MBNL1: variants seen among roughly 807,000 people sequenced by gnomAD.
The protein encoded by MBNL1 is muscleblind-like protein 1.
A neutral mutation model predicts 42.2 loss-of-function variants in MBNL1; 8 were observed. That is an observed-to-expected ratio of 0.19 (90% confidence interval 0.11 to 0.34). The LOEUF is 0.34. MBNL1 is among the 10% of genes least tolerant of loss of function. The probability of loss-of-function intolerance (pLI) is 1.00; values close to 1 mark genes in which losing one functional copy is unlikely to be tolerated. For synonymous variants in MBNL1, 169 were observed against 173.9 expected (o/e 0.97, Z 0.22); for missense variants, 309 against 495.3 (o/e 0.62, Z 3.57).
chr3:152,255,699 T>C (rs1459335108), intron 2 of MBNL1, among the ~76,000 whole-genome samples: 2 of 152,110 alleles, frequency 1.3e-5, no homozygotes, highest in Non-Finnish European at 2.9e-5. Context: ...TAGATAGTGA[T>C]AGTGACCAGA....
intron 1 of MBNL1, among the ~76,000 whole-genome samples, chr3:152,292,686 AT>A (rs2056634452): frequency 6.6e-6 from 1 of 151,196 alleles, no homozygotes; most frequent in African/African-American, 2.4e-5. Context: ...CTCCTTCATG[AT>A]TTTCATTTAT....
At chr3:152,392,728 T>C (rs553642239) in intron 2 of MBNL1, among the ~76,000 whole-genome samples, 2 of 152,334 alleles carry the variant, frequency 1.3e-5, no homozygotes, top group South Asian at 4.1e-4. Flanking sequence ...AAGGAAGATA[T>C]ATTACAAAAG....
At chr3:152,378,478 CTCTATATTTA>C (rs1398512688) in intron 2 of MBNL1, among the ~76,000 whole-genome samples, 1 of 152,034 alleles carries the variant, frequency 6.6e-6, no homozygotes, top group Non-Finnish European at 1.5e-5. Flanking sequence ...AATGCTACCT[CTCTATATTTA>C]TTTAGGTAGG....
At chr3:152,459,215 C>G in intron 8 of MBNL1, 56 bp from the exon 9 acceptor site, 1 of 937,752 alleles carries the variant, frequency 1.1e-6, no homozygotes, top group Non-Finnish European at 1.6e-6. Flanking sequence ...GTTTTCATCT[C>G]TTAATTGTTG....
chr3:152,451,298 A>G lies in MBNL1; in HGVS notation c.961+3525A>G, dbSNP rs549184876. ...ACAAGCCAGCCAGCTAGCTAAGAAA[A>G]ATTACTACATACTTTAACTTTTAAG... On this transcript the variant is annotated intron_variant, in intron 6 of 9. Transcript: ENST00000324210. 5.3e-5 allele frequency among the ~76,000 whole-genome samples: 8 copies of G among 152,296 alleles called. No individual in the cohort carries two copies. The East Asian group carries it at 1.5e-3, about 29-fold the overall frequency.
chr3:152,296,712 A>G (rs1412725317), intron 1 of MBNL1, among the ~76,000 whole-genome samples: 2 of 150,224 alleles, frequency 1.3e-5, no homozygotes, highest in South Asian at 2.1e-4. Flanking sequence ...TTTCAAATGT[A>G]TGTTTCAGTG....
At chr3:152,382,475 C>G (rs2097218527) in intron 2 of MBNL1, among the ~76,000 whole-genome samples, 1 of 151,942 alleles carries the variant, frequency 6.6e-6, no homozygotes, top group Non-Finnish European at 1.5e-5. Context: ...CTGCCCCTTC[C>G]CTAAAGCTTC....
chr3:152,446,926 C>CT (rs2099235676), intron 5 of MBNL1, among the ~76,000 whole-genome samples: 2 of 151,990 alleles, frequency 1.3e-5, no homozygotes, highest in African/African-American at 4.8e-5. Context: ...AGACTATAAT[C>CT]TAAGTACATA....
At chr3:152,314,536 C>T (rs1188959711) in intron 2 of MBNL1, among the ~76,000 whole-genome samples, 2 of 152,074 alleles carry the variant, frequency 1.3e-5, no homozygotes, top group African/African-American at 2.4e-5. Flanking sequence ...CTACCACGCC[C>T]GGCTAATTTT....
chr3:152,402,989 C>A (rs1254810444), intron 2 of MBNL1, among the ~76,000 whole-genome samples: 3 of 152,152 alleles, frequency 2.0e-5, no homozygotes, highest in Non-Finnish European at 2.9e-5. Flanking sequence ...AAGGAAGATA[C>A]AACAACTATT....
At chr3:152,303,036 A>C (rs76876916) in intron 2 of MBNL1, among the ~76,000 whole-genome samples, 1 of 146,378 alleles carries the variant, frequency 6.8e-6, no homozygotes, top group African/African-American at 2.5e-5. Flanking sequence ...AAAAAAAAAA[A>C]TAAGTCAAAC....
At position 152,413,789 on chromosome 3, in the gene MBNL1, A is replaced by G. The variant is rs528634973; in HGVS notation, c.175-1152A>G. On this transcript the variant is annotated intron_variant, in intron 2 of 9. Transcript: ENST00000324210. ...GATTTATTGGTGAAAGAAGTTGTCA[A>G]GGTGGTTGATGAGATCTGCTACTAT... Among the ~76,000 whole-genome samples, 10 of 152,306 alleles carry G rather than the reference A, an allele frequency of 6.6e-5. No homozygotes were observed. In the South Asian group the frequency reaches 1.2e-3, roughly 19 times the overall value.
intron 2 of MBNL1, among the ~76,000 whole-genome samples, chr3:152,308,431 C>T (rs1297059373): frequency 6.6e-6 from 1 of 152,168 alleles, no homozygotes; most frequent in African/African-American, 2.4e-5. Context: ...TTTTCCCCAG[C>T]TTTAACTTTG....
At chr3:152,412,161 A>T (rs994852964) in intron 2 of MBNL1, among the ~76,000 whole-genome samples, 2 of 152,150 alleles carry the variant, frequency 1.3e-5, no homozygotes, top group Non-Finnish European at 2.9e-5. Context: ...CTTATTTTTG[A>T]CCTTTTTCCT....
chr3:152,268,861 G>A (rs762562179), upstream of MBNL1: 168 of 453,462 alleles, frequency 3.7e-4, 1 homozygote, highest in Admixed American at 1.2e-4. Flanking sequence ...GGGCGGGCGG[G>A]GGAGGGGCCG....
intron 2 of MBNL1, among the ~76,000 whole-genome samples, chr3:152,357,707 C>G (rs1471583284): frequency 6.6e-6 from 1 of 152,162 alleles, no homozygotes; most frequent in Non-Finnish European, 1.5e-5. Flanking sequence ...CCACCTTACT[C>G]TTGCTTCTTT....
At chr3:152,285,632 T>C (rs973747101) in intron 1 of MBNL1, among the ~76,000 whole-genome samples, 1 of 149,192 alleles carries the variant, frequency 6.7e-6, no homozygotes, top group East Asian at 1.9e-4. Context: ...TTTTTCAATT[T>C]TTTTTTTTTT....
intron 2 of MBNL1, chr3:152,338,272 G>T (rs1010080290): frequency 1.5e-5 from 15 of 985,252 alleles, no homozygotes; most frequent in Non-Finnish European, 1.8e-5. Context: ...TGAGCTCTGT[G>T]CCAATTGTTC....
chr3:152,417,457 G>A (rs538005633), intron 3 of MBNL1, among the ~76,000 whole-genome samples: 1 of 152,268 alleles, frequency 6.6e-6, no homozygotes, highest in Non-Finnish European at 1.5e-5. Context: ...AATACTATGA[G>A]CAGTTCCATA....
Sources: allele counts gnomAD v4.1 joint callset (sites outside exome capture counted in the v4.1 genomes callset), GRCh38; gene constraint gnomAD v4.1.1; transcripts MANE v1.5; gene names NCBI Gene and HGNC (gene_info 2026-07-23, HGNC 2026-07-21).